Variants in GLG1 observed in about 807,000 individuals in gnomAD.
GLG1 encodes the protein golgi glycoprotein 1.
A neutral mutation model predicts 160.5 loss-of-function variants in GLG1; 38 were observed. The ratio of observed to expected loss-of-function variants is 0.24; its 90% confidence interval spans 0.18 to 0.31. The LOEUF (loss-of-function observed/expected upper bound fraction) is 0.31. Among genes scored for constraint, GLG1 ranks in the 10% least tolerant of loss-of-function variants. GLG1 has a pLI of 1.00. For synonymous variants in GLG1, 644 were observed against 543.4 expected, an observed-to-expected ratio of 1.19 and a Z score of -2.57; for missense variants, 1,373 against 1,505.2, an observed-to-expected ratio of 0.91 and a Z score of 1.45.
In GLG1 at chr16:74,448,833, C is replaced by T. The variant is rs927402122; in HGVS notation, c.*4334G>A. 1.3e-5 allele frequency: 2 copies of T among 150,778 alleles called. No homozygotes were observed. The highest frequency in any genetic ancestry group is 4.9e-5 in the African/African-American group (2 of 40,958). 9.3% of individuals were successfully genotyped at this position (150,778 alleles called of 1,614,324 possible). On this transcript the variant is annotated 3_prime_UTR_variant, in exon 26 of 26. Coordinates refer to ENST00000422840, the MANE Select transcript of GLG1 (RefSeq NM_001145667.2). The stretch of plus-strand genomic sequence containing the variant: ...TTTGGAAGGCCGAAGTGCACTTTGG[C>T]CGAAGTGGGCCACTTTGCGGCCACT...
At chr16:74,474,475 T>C in intron 13 of GLG1, 71 bp downstream of exon 13, 2 of 804,084 alleles carry the variant, frequency 2.5e-6, no homozygotes, top group Admixed American at 3.4e-5. Flanking sequence ...CTAGAAACAG[T>C]AGAATCAAAC....
At chr16:74,510,485 T>A (rs973738044) in intron 2 of GLG1, among the ~76,000 whole-genome samples, 1 of 152,210 alleles carries the variant, frequency 6.6e-6, no homozygotes, top group African/African-American at 2.4e-5. Context: ...TAAGCAAAAA[T>A]GAGCCTTAAA....
At chr16:74,547,353 G>C (rs572346657) in intron 1 of GLG1, among the ~76,000 whole-genome samples, 1 of 151,060 alleles carries the variant, frequency 6.6e-6, no homozygotes, top group Non-Finnish European at 1.5e-5. Flanking sequence ...ATCACATTTC[G>C]CTTTAGAATT....
At chr16:74,535,758 T>C (rs902898325) in intron 1 of GLG1, among the ~76,000 whole-genome samples, 9 of 152,184 alleles carry the variant, frequency 5.9e-5, no homozygotes, top group South Asian at 2.1e-4. Flanking sequence ...AGTTTCTCTA[T>C]GCAGAAAGAA....
Position 74,492,982 on chromosome 16 carries a change from C to T in GLG1, c.1209G>A (p.Met403Ile), listed in dbSNP as rs1460673226. The change falls in exon 7 of 26, where the codon ATG (methionine) becomes ATA (isoleucine). Residue 403 changes from methionine to isoleucine, a missense_variant. Physicochemically the swap from Met to Ile is conservative, Grantham distance 10. Coordinates refer to ENST00000422840, the MANE Select transcript of GLG1 (RefSeq NM_001145667.2). ...SREARLSYLL[M>I]CLESAVHRGR... ...CTCTGTGTACAGCTGACTCCAGGCA[C>T]ATTAACAAGTAGGAGAGCCTGGCTT... The T allele has an allele frequency of 6.2e-7, 1 of 1,612,644 alleles. No individual in the cohort carries two copies. Among genetic ancestry groups the T allele is most frequent in the South Asian group, 1.1e-5 (1 of 90,914 alleles).
intron 2 of GLG1, among the ~76,000 whole-genome samples, chr16:74,526,901 T>C (rs894661514): frequency 8.5e-5 from 13 of 152,234 alleles, no homozygotes; most frequent in Non-Finnish European, 1.8e-4. Flanking sequence ...GTCTGACTAG[T>C]GTTGAGTAAG....
At chr16:74,569,875 G>T in intron 1 of GLG1, among the ~76,000 whole-genome samples, 1 of 108,104 alleles carries the variant, frequency 9.3e-6, no homozygotes, top group East Asian at 2.9e-4. Flanking sequence ...AAAAAAAAAA[G>T]AAAAAAAAAA....
At chr16:74,603,270 C>T (rs759792573) in intron 1 of GLG1, among the ~76,000 whole-genome samples, 1 of 151,404 alleles carries the variant, frequency 6.6e-6, no homozygotes, top group East Asian at 1.9e-4. Context: ...ATTAGCTGGG[C>T]GAGGTGGTGC....
In GLG1 at chr16:74,548,232, C is replaced by T. The variant is rs371021864; in HGVS notation, c.439-16079G>A. On this transcript the variant is annotated intron_variant, in intron 1 of 25. Transcript: ENST00000422840. The stretch of plus-strand genomic sequence containing the variant: ...AAATAAGTATTCTGAACCTGTGTTC[C>T]AATTCTTACTTGGTAAAACCATAAC... Among the ~76,000 whole-genome samples, 14 of 152,286 alleles carry T rather than the reference C, an allele frequency of 9.2e-5. No homozygotes were observed. In the East Asian group the frequency reaches 1.3e-3, roughly 15 times the overall value.
In GLG1 at chr16:74,452,081, T is replaced by C. The variant is rs2014331908; in HGVS notation, c.*1086A>G. Reference sequence around the variant, plus strand: ...TCAGGCTGGACTGCCTGTCACATCCTGAGACCACACTAAACCTTTATAAGC... The same window carrying C: ...TCAGGCTGGACTGCCTGTCACATCCCGAGACCACACTAAACCTTTATAAGC... On this transcript the variant is annotated 3_prime_UTR_variant, in exon 26 of 26. Coordinates refer to ENST00000422840, the MANE Select transcript of GLG1 (RefSeq NM_001145667.2). 3 of 1,613,934 alleles carry C rather than the reference T, an allele frequency of 1.9e-6. No homozygotes were observed. Among genetic ancestry groups the C allele is most frequent in the Middle Eastern group, 1.7e-4 (1 of 6,060 alleles).
chr16:74,531,176 C>CA (rs2017519744), intron 2 of GLG1, among the ~76,000 whole-genome samples: 1 of 152,032 alleles, frequency 6.6e-6, no homozygotes, highest in Admixed American at 6.5e-5. Context: ...CCTAGGTTTT[C>CA]GTAAGAGTAA....
At chr16:74,497,295 C>A (rs71391090) in intron 4 of GLG1, among the ~76,000 whole-genome samples, 49 of 2,732 alleles carry the variant, frequency 0.018, 2 homozygotes, top group African/African-American at 0.022. Flanking sequence ...GTAAAAAAAA[C>A]ACACACACAC....
intron 1 of GLG1, among the ~76,000 whole-genome samples, chr16:74,551,169 C>A: frequency 6.6e-6 from 1 of 152,124 alleles, no homozygotes; most frequent in Non-Finnish European, 1.5e-5. Context: ...CTAGCCTTTC[C>A]CGTAAGTCTG....
intron 1 of GLG1, among the ~76,000 whole-genome samples, chr16:74,574,565 T>C (rs1337060440): frequency 6.6e-6 from 1 of 152,152 alleles, no homozygotes; most frequent in African/African-American, 2.4e-5. Context: ...TAATAAATTT[T>C]GGCAACAAAA....
chr16:74,538,728 ATTTTT>A (rs58959074), intron 1 of GLG1, among the ~76,000 whole-genome samples: 4 of 131,178 alleles, frequency 3.0e-5, no homozygotes, highest in African/African-American at 1.1e-4. Flanking sequence ...AGATTTTGAG[ATTTTT>A]TTTTTTTTTT....
At chr16:74,460,550 G>A (rs2014750139) in intron 22 of GLG1, among the ~76,000 whole-genome samples, 1 of 152,222 alleles carries the variant, frequency 6.6e-6, no homozygotes, top group Non-Finnish European at 1.5e-5. Flanking sequence ...GCCTACTGCT[G>A]TTTTACAAGC....
At chr16:74,523,332 C>G (rs2017232000) in intron 2 of GLG1, among the ~76,000 whole-genome samples, 1 of 152,164 alleles carries the variant, frequency 6.6e-6, no homozygotes, top group Admixed American at 6.5e-5. Context: ...GAATCTGCTT[C>G]TACCACACTG....
chr16:74,514,769 G>A (rs1284689537), intron 2 of GLG1, among the ~76,000 whole-genome samples: 3 of 152,118 alleles, frequency 2.0e-5, no homozygotes, highest in Non-Finnish European at 4.4e-5. Flanking sequence ...CATAATGACA[G>A]GATCAAATTC....
intron 1 of GLG1, among the ~76,000 whole-genome samples, chr16:74,596,591 T>C (rs1466609635): frequency 6.6e-6 from 1 of 152,214 alleles, no homozygotes; most frequent in East Asian, 1.9e-4. Context: ...AAATGTGTAT[T>C]TTATACTTAC....
Sources: gnomAD v4.1 joint callset for allele counts (sites outside exome capture counted in the v4.1 genomes callset) on GRCh38, gnomAD v4.1.1 for gene constraint, MANE v1.5 for transcripts, NCBI Gene and HGNC (gene_info 2026-07-23, HGNC 2026-07-21) for gene names.